Variants in BLZF1 observed in about 807,000 individuals in gnomAD.
BLZF1 encodes basic leucine zipper nuclear factor 1.
Under a neutral mutation model 43.8 loss-of-function variants are expected in BLZF1, and 39 were observed. The observed-to-expected ratio is 0.89, with a 90% CI of 0.69 to 1.16. The LOEUF (loss-of-function observed/expected upper bound fraction) is 1.16. Among genes scored for constraint, BLZF1 ranks in the 50% most tolerant of loss-of-function variants. BLZF1 has a pLI of 0.00. For missense variants in BLZF1, 449 were observed against 469.8 expected (o/e 0.96, Z 0.41); for synonymous variants, 136 against 159.4 (o/e 0.85, Z 1.11).
downstream of BLZF1, among the ~76,000 whole-genome samples, chr1:169,391,189 C>T (rs537362540): frequency 6.6e-5 from 10 of 152,298 alleles, no homozygotes; most frequent in African/African-American, 1.9e-4. Context: ...TATTGCTTCC[C>T]GTGGCAGTGC....
intron 4 of BLZF1, among the ~76,000 whole-genome samples, chr1:169,380,114 A>G (rs981183316): frequency 2.0e-5 from 3 of 151,894 alleles, no homozygotes; most frequent in Non-Finnish European, 4.4e-5. Flanking sequence ...TTGAGTGAAG[A>G]AGATAATTTA....
chr1:169,374,032 A>G (rs1654212488), intron 2 of BLZF1, among the ~76,000 whole-genome samples: 1 of 152,074 alleles, frequency 6.6e-6, no homozygotes, highest in African/African-American at 2.4e-5. Context: ...ACAAGATTAG[A>G]CAAGTTAGTT....
intron 2 of BLZF1, among the ~76,000 whole-genome samples, chr1:169,370,000 G>C (rs534469376): frequency 1.6e-4 from 24 of 152,300 alleles, no homozygotes; most frequent in Non-Finnish European, 3.1e-4. Context: ...CTGGAGGCTA[G>C]AAGTCCAAGA....
chr1:169,377,693 C>A (rs1296570052), intron 3 of BLZF1, among the ~76,000 whole-genome samples: 3 of 151,984 alleles, frequency 2.0e-5, no homozygotes, highest in Non-Finnish European at 1.5e-5. Flanking sequence ...CGTGCATAAC[C>A]ATATACATTG....
intron 2 of BLZF1, among the ~76,000 whole-genome samples, chr1:169,375,391 A>AAAATATATATATATAT (rs1557846915): frequency 1.9e-5 from 1 of 51,840 alleles, no homozygotes. Context: ...ATATATATAA[A>AAAATATATATATATAT]ACATATATAT....
chr1:169,387,204 G>T lies in BLZF1; in HGVS notation c.*22G>T. 6.2e-7 allele frequency: 1 copy of T among 1,600,822 alleles called. No individual in the cohort carries two copies. ...TTAACAGTCAATATGTTGGAGGCATGCTAAGGTACTTCCTTATTACCCAAG... is the reference window on the plus strand; with the variant it reads ...TTAACAGTCAATATGTTGGAGGCATTCTAAGGTACTTCCTTATTACCCAAG... On this transcript the variant is annotated 3_prime_UTR_variant, in exon 7 of 7. Coordinates refer to ENST00000367808, the MANE Select transcript of BLZF1 (RefSeq NM_001320973.2).
intron 6 of BLZF1, among the ~76,000 whole-genome samples, chr1:169,385,977 C>T (rs1236112565): frequency 6.6e-6 from 1 of 152,174 alleles, no homozygotes; most frequent in Non-Finnish European, 1.5e-5. Context: ...TACCTTTGTA[C>T]CATAACCCAA....
intron 6 of BLZF1, among the ~76,000 whole-genome samples, chr1:169,382,828 C>T (rs1533518): frequency 0.075 from 11,358 of 152,204 alleles, 1,541 homozygotes; most frequent in East Asian, 0.66. Context: ...GTCGCCATAA[C>T]TCTTGCACTA....
chr1:169,394,242 A>T (rs1257991931), intron 7 of BLZF1, among the ~76,000 whole-genome samples: 2 of 152,224 alleles, frequency 1.3e-5, no homozygotes, highest in African/African-American at 2.4e-5. Context: ...AATACATTTT[A>T]AAATGTTTTA....
intron 3 of BLZF1, 114 bp from the exon 4 acceptor site, chr1:169,378,216 C>A: frequency 1.0e-6 from 1 of 953,434 alleles, no homozygotes; most frequent in Non-Finnish European, 1.6e-6. Flanking sequence ...ATAGAAACTT[C>A]AAGTCACGGA....
At chr1:169,395,189 CG>C in intron 7 of BLZF1, 1 of 1,611,560 alleles carries the variant, frequency 6.2e-7, no homozygotes, top group Non-Finnish European at 8.5e-7. Context: ...TTTTTCCATC[CG>C]TTTCCTTCTT....
In BLZF1 at chr1:169,380,477, T is replaced by A. The variant is rs1557849129; in HGVS notation, c.669-4T>A. On this transcript the variant is annotated splice_region_variant and splice_polypyrimidine_tract_variant and intron_variant, in intron 4 of 6. Coordinates refer to ENST00000367808, the MANE Select transcript of BLZF1 (RefSeq NM_001320973.2). ...TTTATATGTAAGATTTTAATCTTTT[T>A]CAGGGTAATGGCAGATGAGTTAACC... The A allele has an allele frequency of 2.5e-6, 4 of 1,606,458 alleles. No homozygotes were observed. The East Asian group carries it at 6.7e-5, about 27-fold the overall frequency.
chr1:169,379,029 G>T (rs1654449206), intron 4 of BLZF1, among the ~76,000 whole-genome samples: 1 of 151,804 alleles, frequency 6.6e-6, no homozygotes, highest in South Asian at 2.1e-4. Context: ...CAAAAACCCT[G>T]GGGTTCTCAT....
rs753407327 is a variant in BLZF1 at position 169,376,801 on chromosome 1, C to T, written c.290C>T (p.Thr97Ile). The T allele has an allele frequency of 1.9e-6, 3 of 1,613,266 alleles. No individual in the cohort carries two copies. In the Admixed American group the frequency reaches 5.0e-5, roughly 27 times the overall value. ...ACTCATGATATCCCCAACAAAAATA[C>T]AAAGGTTAAGTCTCTGGGACATCAT... ...AITHDIPNKN[T>I]KVKSLGHHKG... Residue 97 changes from threonine to isoleucine, a missense_variant, in exon 3 of 7, where the codon ACA becomes ATA. Physicochemically the swap from Thr to Ile is moderately conservative, Grantham distance 89. Coordinates refer to ENST00000367808, the MANE Select transcript of BLZF1 (RefSeq NM_001320973.2).
At chr1:169,369,447 A>G in intron 1 of BLZF1, 26 bp from the exon 2 acceptor site, 1 of 1,258,802 alleles carries the variant, frequency 7.9e-7, no homozygotes, top group Non-Finnish European at 1.1e-6. Context: ...TATTTTTAAA[A>G]TTATTTCATA....
chr1:169,376,421 AT>A (rs985690569), intron 2 of BLZF1, 118 bp from the exon 3 acceptor site: 5,090 of 750,158 alleles, frequency 6.8e-3, no homozygotes, highest in South Asian at 0.011. Flanking sequence ...TTTTTCTCTG[AT>A]TTTTTTTTTG....
At chr1:169,395,155 T>A (rs1404352610) in intron 7 of BLZF1, 1 of 1,613,342 alleles carries the variant, frequency 6.2e-7, no homozygotes, top group Admixed American at 1.7e-5. Flanking sequence ...TAGTTCTCTC[T>A]CTGACAGCTT....
At chr1:169,388,859 GCCTGTAATCCCAGCACTT>G (rs1557852195), downstream of BLZF1, among the ~76,000 whole-genome samples, 1 of 152,084 alleles carries the variant, frequency 6.6e-6, no homozygotes, top group Non-Finnish European at 1.5e-5. Flanking sequence ...AGTGGCTCAC[GCCTGTAATCCCAGCACTT>G]TGGGAGGCCG....
chr1:169,378,392 T>C lies in BLZF1; in HGVS notation c.531T>C (p.Phe177=). The C allele has an allele frequency of 6.2e-7, 1 of 1,613,068 alleles. No individual in the cohort carries two copies. Among genetic ancestry groups the C allele is most frequent in the Non-Finnish European group, 8.5e-7 (1 of 1,179,186 alleles). ...ASVGDDLQYH[F]ERLAREKNQL... ...TTGGGGATGATCTTCAGTATCACTT[T>C]GAACGTCTAGCCCGTGAGAAAAATC... Residue 177 remains phenylalanine (F), a synonymous_variant, in exon 4 of 7, where the codon TTT becomes TTC. Transcript: ENST00000367808.
Sources: allele counts gnomAD v4.1 joint callset (sites outside exome capture counted in the v4.1 genomes callset), GRCh38; gene constraint gnomAD v4.1.1; transcripts MANE v1.5; gene names NCBI Gene and HGNC (gene_info 2026-07-23, HGNC 2026-07-21).